LRP1B: variants seen among roughly 807,000 people sequenced by gnomAD.
LRP1B encodes low-density lipoprotein receptor-related protein 1B.
In LRP1B, 217 loss-of-function variants were observed where a neutral mutation model predicts 556.6. That is an observed-to-expected ratio of 0.39 (90% CI 0.35 to 0.44). The LOEUF is 0.44. Ranked by LOEUF, LRP1B falls within the 20% of genes least tolerant of loss-of-function variation. The pLI, the probability that LRP1B is intolerant of heterozygous loss-of-function variation, is 1.00. For synonymous variants in LRP1B, 2,047 were observed against 1,865.8 expected (o/e 1.10, Z -2.50); for missense variants, 5,053 against 5,620.8 (o/e 0.90, Z 3.23).
At chr2:141,000,506 A>G (rs1343993168) in intron 15 of LRP1B, among the ~76,000 whole-genome samples, 2 of 152,078 alleles carry the variant, frequency 1.3e-5, no homozygotes, top group Admixed American at 1.3e-4. Flanking sequence ...TGTGTCTATT[A>G]CAAGTACAGG....
At chr2:142,048,687 T>A (rs534615046) in intron 1 of LRP1B, among the ~76,000 whole-genome samples, 3 of 152,156 alleles carry the variant, frequency 2.0e-5, no homozygotes, top group African/African-American at 7.2e-5. Context: ...AATATTGCTA[T>A]CGTGGAAAGT....
chr2:141,882,582 G>A (rs187124087), intron 1 of LRP1B, among the ~76,000 whole-genome samples: 49 of 152,238 alleles, frequency 3.2e-4, no homozygotes, highest in Non-Finnish European at 6.8e-4. Flanking sequence ...CCCAATAAGC[G>A]TCAAATCTCA....
intron 1 of LRP1B, among the ~76,000 whole-genome samples, chr2:142,015,716 A>G (rs1423169212): frequency 6.6e-6 from 1 of 152,066 alleles, no homozygotes; most frequent in Non-Finnish European, 1.5e-5. Flanking sequence ...TGAAGGGGCC[A>G]GGCACAGTGG....
At chr2:140,963,401 A>AC (rs1164613742) in intron 18 of LRP1B, among the ~76,000 whole-genome samples, 1 of 151,900 alleles carries the variant, frequency 6.6e-6, no homozygotes, top group Admixed American at 6.6e-5. Context: ...ATTTCCTTTG[A>AC]CCCTGATTTT....
intron 1 of LRP1B, among the ~76,000 whole-genome samples, chr2:141,907,455 C>T (rs767548945): frequency 8.6e-5 from 13 of 151,814 alleles, no homozygotes; most frequent in Non-Finnish European, 1.6e-4. Context: ...CTCCCCTTTC[C>T]ACATTTTTGA....
rs142365244 is a variant in LRP1B, at chr2:140,698,433, A to G, written c.6799+1817T>C. On this transcript the variant is annotated intron_variant, in intron 41 of 90. Transcript: ENST00000389484. The stretch of plus-strand genomic sequence containing the variant: ...CAACAATTGCGTTCATCTAAATAGC[A>G]CCTTCTAAGAAAAGTAACTATTTCT... 5.4e-3 allele frequency among the ~76,000 whole-genome samples: 826 copies of G among 152,216 alleles called. 3 individuals are homozygous for G. The highest frequency in any genetic ancestry group is 0.019 in the African/African-American group (781 of 41,570).
At chr2:141,186,497 T>C (rs1681266046) in intron 7 of LRP1B, among the ~76,000 whole-genome samples, 1 of 152,066 alleles carries the variant, frequency 6.6e-6, no homozygotes, top group Non-Finnish European at 1.5e-5. Context: ...TTTTAAAGTG[T>C]TCTGTGGCAA....
intron 41 of LRP1B, among the ~76,000 whole-genome samples, chr2:140,657,199 T>TAA (rs34920664): frequency 6.3e-4 from 93 of 148,282 alleles, no homozygotes; most frequent in African/African-American, 2.0e-3. Context: ...AACATAAAAG[T>TAA]AAAAAAAAAA....
rs70985089 is a variant in LRP1B at position 140,330,199 on chromosome 2, C to CAATAATAATAATAAT, written c.12223+4239_12223+4253dup. Among the ~76,000 whole-genome samples, 513 of 137,952 alleles carry CAATAATAATAATAAT rather than the reference C, an allele frequency of 3.7e-3. 1 individual carries two copies. Among genetic ancestry groups the CAATAATAATAATAAT allele is most frequent in the Middle Eastern group, 7.2e-3 (2 of 276 alleles). The allele number at this position is 137,952 out of a possible 152,430, so 90.5% of individuals were successfully genotyped here. ...TGGGCGACAGAGCAAGACTCTGTCT[C>CAATAATAATAATAAT]AATAATAATAATAATAATAATAATA... is the stretch of plus-strand genomic sequence containing the variant. On this transcript the variant is annotated intron_variant, in intron 79 of 90. Coordinates refer to ENST00000389484, the MANE Select transcript of LRP1B (RefSeq NM_018557.3).
intron 43 of LRP1B, among the ~76,000 whole-genome samples, chr2:140,566,039 G>A (rs956516476): frequency 6.6e-6 from 1 of 152,088 alleles, no homozygotes; most frequent in Non-Finnish European, 1.5e-5. Flanking sequence ...TACCCTGCAT[G>A]GCTTCTCTGC....
At chr2:141,080,996 C>T (rs187679835) in intron 7 of LRP1B, among the ~76,000 whole-genome samples, 5 of 152,222 alleles carry the variant, frequency 3.3e-5, no homozygotes, top group African/African-American at 7.2e-5. Context: ...TCATGCCAGA[C>T]AAATTTTTGT....
chr2:141,655,187 A>G (rs1553443159), intron 2 of LRP1B, among the ~76,000 whole-genome samples: 1 of 152,192 alleles, frequency 6.6e-6, no homozygotes, highest in Non-Finnish European at 1.5e-5. Flanking sequence ...TACATTATCA[A>G]AATTTGATCT....
intron 2 of LRP1B, among the ~76,000 whole-genome samples, chr2:141,707,346 G>A (rs1465972300): frequency 6.6e-6 from 1 of 152,058 alleles, no homozygotes; most frequent in Non-Finnish European, 1.5e-5. Flanking sequence ...AGGTCCTACT[G>A]TTCTCAGCAT....
chr2:140,422,706 G>T (rs1331766472), intron 66 of LRP1B, among the ~76,000 whole-genome samples: 1 of 152,176 alleles, frequency 6.6e-6, no homozygotes, highest in Non-Finnish European at 1.5e-5. Flanking sequence ...ATTAGAGCCT[G>T]GGGATGTTTA....
In LRP1B at chr2:140,311,530, A is replaced by T. The variant is rs535657334; in HGVS notation, c.12805+3405T>A. Among the ~76,000 whole-genome samples the T allele has an allele frequency of 2.0e-5, 3 of 151,946 alleles. No individual in the cohort carries two copies. In the South Asian group the frequency reaches 6.2e-4, roughly 31 times the overall value. Reference sequence around the variant, plus strand: ...GACATTGGAGAAGTGGAAGGGTGGGAGGAGGGTAAAGGATAAGAAATTACT... The same window carrying T: ...GACATTGGAGAAGTGGAAGGGTGGGTGGAGGGTAAAGGATAAGAAATTACT... On this transcript the variant is annotated intron_variant, in intron 83 of 90. Coordinates refer to ENST00000389484, the MANE Select transcript of LRP1B (RefSeq NM_018557.3).
At chr2:140,876,360 A>T (rs1693304873) in intron 25 of LRP1B, among the ~76,000 whole-genome samples, 1 of 152,098 alleles carries the variant, frequency 6.6e-6, no homozygotes, top group African/African-American at 2.4e-5. Flanking sequence ...CAGAATTTTG[A>T]AACTATTTGT....
intron 1 of LRP1B, among the ~76,000 whole-genome samples, chr2:141,965,798 CA>C (rs201872645): frequency 0.12 from 11,864 of 98,488 alleles, 480 homozygotes; most frequent in Non-Finnish European, 0.15. Context: ...AATATGTATC[CA>C]AAAAAAAAAA....
chr2:141,445,718 T>C, intron 3 of LRP1B, among the ~76,000 whole-genome samples: 1 of 152,234 alleles, frequency 6.6e-6, no homozygotes, highest in East Asian at 1.9e-4. Context: ...TCAGTTTCCA[T>C]GTAGTTATGC....
chr2:141,375,245 T>C (rs373076439), intron 3 of LRP1B, among the ~76,000 whole-genome samples: 23 of 152,112 alleles, frequency 1.5e-4, no homozygotes, highest in African/African-American at 5.1e-4. Flanking sequence ...AATGAAGTAG[T>C]CTTAAGGCTC....
Sources: gnomAD v4.1 joint callset for allele counts (sites outside exome capture counted in the v4.1 genomes callset) on GRCh38, gnomAD v4.1.1 for gene constraint, MANE v1.5 for transcripts, NCBI Gene and HGNC (gene_info 2026-07-23, HGNC 2026-07-21) for gene names.